The following PI4KA variants were observed in gnomAD, a reference collection of about 807,000 sequenced individuals.
PI4KA encodes the protein phosphatidylinositol 4-kinase alpha.
Under a neutral mutation model 271.4 loss-of-function variants are expected in PI4KA, and 122 were observed. The ratio of observed to expected loss-of-function variants is 0.45; its 90% CI spans 0.39 to 0.52. The LOEUF is 0.52. PI4KA is among the 20% of genes least tolerant of loss of function. The probability of loss-of-function intolerance (pLI) is 0.00; values close to 1 mark genes in which losing one functional copy is unlikely to be tolerated. For missense variants in PI4KA, 1,969 were observed against 2,769.1 expected (o/e 0.71, Z 6.48); for synonymous variants, 1,041 against 1,078.8 (o/e 0.96, Z 0.69).
At chr22:20,844,866 G>A (rs1010497591) in intron 1 of PI4KA, among the ~76,000 whole-genome samples, 7 of 152,072 alleles carry the variant, frequency 4.6e-5, no homozygotes, top group African/African-American at 1.7e-4. Context: ...GCAGGATAAA[G>A]CATTAACCCT....
At chr22:20,777,261 G>A (rs1005081055) in intron 19 of PI4KA, among the ~76,000 whole-genome samples, 2 of 150,502 alleles carry the variant, frequency 1.3e-5, no homozygotes, top group Admixed American at 1.3e-4. Flanking sequence ...TTTTTGCCCA[G>A]GCTGGAGTGC....
At chr22:20,842,628 C>G (rs929001155) in intron 1 of PI4KA, among the ~76,000 whole-genome samples, 12 of 150,828 alleles carry the variant, frequency 8.0e-5, no homozygotes, top group African/African-American at 2.9e-4. Context: ...TCCTGGCCAA[C>G]ATGGCAAAAC....
chr22:20,740,706 G>C (rs184619912), intron 32 of PI4KA, among the ~76,000 whole-genome samples: 1 of 152,178 alleles, frequency 6.6e-6, no homozygotes, highest in East Asian at 1.9e-4. Flanking sequence ...CCAGGATGTG[G>C]AACCCATGGA....
In PI4KA at chr22:20,820,273, T is replaced by C. The variant is rs118091620; in HGVS notation, c.529+266A>G. Among the ~76,000 whole-genome samples, 553 of 152,256 alleles carry C rather than the reference T, an allele frequency of 3.6e-3. 2 individuals are homozygous for C. Among genetic ancestry groups the C allele is most frequent in the Non-Finnish European group, 6.0e-3 (405 of 68,004 alleles). On this transcript the variant is annotated intron_variant, in intron 5 of 54. Transcript: ENST00000255882. Reference sequence around the variant, plus strand: ...AAAATGACCTTTGGAAGTCAACTAATCTACCCACAGATGTTACAGGTGAAG... The same window carrying C: ...AAAATGACCTTTGGAAGTCAACTAACCTACCCACAGATGTTACAGGTGAAG...
At chr22:20,754,862 C>T (rs1389291568) in intron 23 of PI4KA, among the ~76,000 whole-genome samples, 1 of 152,164 alleles carries the variant, frequency 6.6e-6, no homozygotes, top group Non-Finnish European at 1.5e-5. Context: ...GCAGGAGAAT[C>T]GCTTGACCCC....
At chr22:20,750,816 A>G (rs960319834) in intron 27 of PI4KA, among the ~76,000 whole-genome samples, 1 of 152,160 alleles carries the variant, frequency 6.6e-6, no homozygotes, top group South Asian at 2.1e-4. Flanking sequence ...AGTTGGGGAG[A>G]GGAGAGACCC....
intron 23 of PI4KA, among the ~76,000 whole-genome samples, chr22:20,754,959 A>C (rs1420051864): frequency 6.6e-6 from 1 of 152,160 alleles, no homozygotes; most frequent in African/African-American, 2.4e-5. Context: ...AACAAAACAA[A>C]AATTTATTTT....
At chr22:20,723,616 A>C (rs888144675) in intron 42 of PI4KA, among the ~76,000 whole-genome samples, 3 of 151,544 alleles carry the variant, frequency 2.0e-5, no homozygotes, top group Non-Finnish European at 2.9e-5. Flanking sequence ...GGATCACCTG[A>C]GGTTAGGAGT....
At chr22:20,769,307 G>A (rs1412427665) in intron 19 of PI4KA, among the ~76,000 whole-genome samples, 3 of 152,150 alleles carry the variant, frequency 2.0e-5, no homozygotes, top group African/African-American at 7.2e-5. Context: ...ACTTCTCCGA[G>A]CCTGCTGGCC....
At chr22:20,785,533 G>A (rs1266071169) in intron 19 of PI4KA, among the ~76,000 whole-genome samples, 3 of 152,118 alleles carry the variant, frequency 2.0e-5, no homozygotes, top group Non-Finnish European at 2.9e-5. Flanking sequence ...GTTGCTATCC[G>A]CCCCCTTAGG....
At chr22:20,777,038 T>G (rs1016557383) in intron 19 of PI4KA, among the ~76,000 whole-genome samples, 1 of 110,746 alleles carries the variant, frequency 9.0e-6, no homozygotes, top group Non-Finnish European at 1.9e-5. Context: ...AGGCAGTTTT[T>G]TTTTGTTTTT....
chr22:20,730,632 G>A (rs573867856), intron 36 of PI4KA, among the ~76,000 whole-genome samples: 9 of 151,960 alleles, frequency 5.9e-5, no homozygotes, highest in East Asian at 1.9e-4. Flanking sequence ...GTGCAATGGC[G>A]CGATCTCAGC....
At position 20,779,541 on chromosome 22, in the gene PI4KA, G is replaced by A. The variant is rs537121106; in HGVS notation, c.2328+13652C>T. 30 of 1,614,032 alleles carry A rather than the reference G, an allele frequency of 1.9e-5. No homozygotes were observed. The highest frequency in any genetic ancestry group is 1.0e-4 in the Admixed American group (6 of 60,036). On this transcript the variant is annotated intron_variant, in intron 19 of 54. Coordinates refer to ENST00000255882, the MANE Select transcript of PI4KA (RefSeq NM_058004.4). ...CTGGATTCCAGAGGGGGAGGAGGAC[G>A]ACGACTATCTGGACCTGGAGAAGAT...
At chr22:20,786,846 A>G in intron 19 of PI4KA, 1 of 1,612,910 alleles carries the variant, frequency 6.2e-7, no homozygotes, top group Non-Finnish European at 8.5e-7. Context: ...GCTGACCTCC[A>G]GAATCTGACA....
chr22:20,778,552 C>A (rs985009242), intron 19 of PI4KA, among the ~76,000 whole-genome samples: 4 of 152,178 alleles, frequency 2.6e-5, no homozygotes, highest in African/African-American at 9.6e-5. Context: ...AACAAAAAAA[C>A]AACGAATTAA....
At chr22:20,729,123 C>T (rs944787210) in intron 39 of PI4KA, among the ~76,000 whole-genome samples, 190 bp downstream of exon 39, 4 of 152,190 alleles carry the variant, frequency 2.6e-5, no homozygotes, top group Admixed American at 6.5e-5. Flanking sequence ...GAAAAGATCA[C>T]GAGGGTTGCT....
intron 54 of PI4KA, among the ~76,000 whole-genome samples, chr22:20,708,333 C>T (rs1356592097): frequency 6.6e-6 from 1 of 152,130 alleles, no homozygotes; most frequent in East Asian, 1.9e-4. Flanking sequence ...GTGGGAGCCA[C>T]TGCTCTGCCC....
chr22:20,750,739 A>G (rs908772989), intron 27 of PI4KA, among the ~76,000 whole-genome samples: 5 of 152,108 alleles, frequency 3.3e-5, no homozygotes, highest in Admixed American at 3.3e-4. Flanking sequence ...GTAGGACATG[A>G]CTCAGCCCAG....
At chr22:20,817,537 C>G (rs1601561145) in intron 7 of PI4KA, among the ~76,000 whole-genome samples, 1 of 151,348 alleles carries the variant, frequency 6.6e-6, no homozygotes, top group Non-Finnish European at 1.5e-5. Flanking sequence ...GAGTTCCGGA[C>G]CAGCCTGGGC....
Sources: allele counts gnomAD v4.1 joint callset (sites outside exome capture counted in the v4.1 genomes callset), GRCh38; gene constraint gnomAD v4.1.1; transcripts MANE v1.5; gene names NCBI Gene and HGNC (gene_info 2026-07-23, HGNC 2026-07-21).